Variants in WASF3 observed in about 807,000 individuals in gnomAD.
WASF3 encodes WASP family member 3.
Under a neutral mutation model 46.6 loss-of-function variants are expected in WASF3, and 11 were observed. That is an observed-to-expected ratio of 0.24 (90% confidence interval 0.15 to 0.39). The LOEUF is 0.39. WASF3 is among the 10% of genes least tolerant of loss of function. The pLI, the probability that WASF3 is intolerant of heterozygous loss-of-function variation, is 1.00. For missense variants in WASF3, 576 were observed against 669.8 expected, an observed-to-expected ratio of 0.86 and a Z score of 1.55; for synonymous variants, 242 against 259.7, an observed-to-expected ratio of 0.93 and a Z score of 0.65.
At chr13:26,540,119 T>A in the WASF3 span, among the ~76,000 whole-genome samples, 1 of 152,148 alleles carries the variant, frequency 6.6e-6, no homozygotes, top group East Asian at 1.9e-4. Context: ...CCATGGCTTG[T>A]GGTCCAGGGA....
intron 1 of WASF3, among the ~76,000 whole-genome samples, chr13:26,595,298 C>T (rs1430750733): frequency 2.0e-5 from 3 of 152,164 alleles, no homozygotes; most frequent in Admixed American, 6.5e-5. Context: ...TTTGGCTTAT[C>T]AGAAAATGTC....
chr13:26,596,651 G>A (rs972398703), intron 1 of WASF3, among the ~76,000 whole-genome samples: 2 of 152,038 alleles, frequency 1.3e-5, no homozygotes, highest in Non-Finnish European at 2.9e-5. Context: ...GGTTTAATGA[G>A]CTTCTTCGAT....
intron 3 of WASF3, among the ~76,000 whole-genome samples, chr13:26,647,951 A>G (rs993698743): frequency 6.6e-6 from 1 of 150,716 alleles, no homozygotes; most frequent in Admixed American, 6.6e-5. Context: ...CTCACTGTAC[A>G]GTAAACATCT....
intron 1 of WASF3, among the ~76,000 whole-genome samples, chr13:26,562,400 G>A (rs1471701391): frequency 2.0e-5 from 3 of 152,182 alleles, no homozygotes; most frequent in African/African-American, 7.2e-5. Context: ...GATGGGAGGG[G>A]GAGGCCAGTT....
chr13:26,551,182 A>G, the WASF3 span, among the ~76,000 whole-genome samples: 3 of 152,124 alleles, frequency 2.0e-5, no homozygotes, highest in Non-Finnish European at 4.4e-5. Context: ...GCCTTCTGCC[A>G]TGATTCTAAG....
intron 1 of WASF3, among the ~76,000 whole-genome samples, chr13:26,594,155 TC>T (rs1419917305): frequency 3.9e-5 from 6 of 152,180 alleles, no homozygotes; most frequent in African/African-American, 1.4e-4. Context: ...GGAATTTCAT[TC>T]TTAATACTAT....
At chr13:26,647,083 G>A (rs183341692) in intron 3 of WASF3, among the ~76,000 whole-genome samples, 1 of 152,252 alleles carries the variant, frequency 6.6e-6, no homozygotes. Flanking sequence ...CAGAAATTTT[G>A]TCACCGTTAA....
chr13:26,563,465 G>A (rs989062300), intron 1 of WASF3, among the ~76,000 whole-genome samples: 1 of 151,816 alleles, frequency 6.6e-6, no homozygotes, highest in Non-Finnish European at 1.5e-5. Flanking sequence ...GAACAGCATG[G>A]CCAACATGGC....
intron 9 of WASF3, among the ~76,000 whole-genome samples, chr13:26,684,407 A>C (rs1269902899): frequency 6.6e-6 from 1 of 152,154 alleles, no homozygotes; most frequent in East Asian, 1.9e-4. Flanking sequence ...ATTCTTCAAA[A>C]ACGAGAAGGT....
At chr13:26,576,993 T>G (rs911536384) in intron 1 of WASF3, 3 of 713,120 alleles carry the variant, frequency 4.2e-6, no homozygotes, top group Non-Finnish European at 7.5e-6. Context: ...TGAAAGCACC[T>G]TCTGTGTTCA....
At chr13:26,636,078 T>C (rs1881808586) in intron 2 of WASF3, among the ~76,000 whole-genome samples, 1 of 152,204 alleles carries the variant, frequency 6.6e-6, no homozygotes, top group Admixed American at 6.5e-5. Flanking sequence ...TCTGCAGAAG[T>C]TTCTGCTGCC....
At chr13:26,554,328 A>C (rs180816106), upstream of WASF3, among the ~76,000 whole-genome samples, 15 of 151,824 alleles carry the variant, frequency 9.9e-5, no homozygotes, top group Admixed American at 9.2e-4. Context: ...TGGGAATCTC[A>C]CTATATTGCC....
At chr13:26,651,199 G>A (rs1004402746) in intron 3 of WASF3, among the ~76,000 whole-genome samples, 8 of 152,144 alleles carry the variant, frequency 5.3e-5, no homozygotes, top group African/African-American at 1.9e-4. Context: ...GTGCATGCCT[G>A]TAGTCTCAGC....
At chr13:26,612,520 C>T (rs1881009561) in intron 1 of WASF3, among the ~76,000 whole-genome samples, 1 of 152,164 alleles carries the variant, frequency 6.6e-6, no homozygotes, top group Admixed American at 6.5e-5. Flanking sequence ...ATCTCCAAGA[C>T]TTTTATTGAA....
intron 1 of WASF3, among the ~76,000 whole-genome samples, chr13:26,560,508 A>G (rs1462035117): frequency 6.6e-6 from 1 of 152,164 alleles, no homozygotes; most frequent in Non-Finnish European, 1.5e-5. Flanking sequence ...CTGTATGTTA[A>G]AAAAACCATT....
At chr13:26,618,501 C>CG in intron 2 of WASF3, among the ~76,000 whole-genome samples, 1 of 151,608 alleles carries the variant, frequency 6.6e-6, no homozygotes, top group South Asian at 2.1e-4. Context: ...CCTCCGCCCC[C>CG]CCGTCTCTTT....
intron 4 of WASF3, among the ~76,000 whole-genome samples, chr13:26,666,849 A>G (rs9512321): frequency 0.28 from 39,898 of 142,122 alleles, 5,947 homozygotes; most frequent in South Asian, 0.39. Flanking sequence ...AGCCTGGGTT[A>G]CAGAGCAAGA....
At chr13:26,635,166 C>A (rs1881779995) in intron 2 of WASF3, among the ~76,000 whole-genome samples, 1 of 152,202 alleles carries the variant, frequency 6.6e-6, no homozygotes. Flanking sequence ...TCCCGTATTT[C>A]TTGGAGGCTT....
intron 6 of WASF3, among the ~76,000 whole-genome samples, chr13:26,672,874 G>A (rs1018466103): frequency 2.0e-5 from 3 of 152,164 alleles, no homozygotes; most frequent in African/African-American, 7.2e-5. Context: ...AAGAGAACAT[G>A]AGAACAGTTT....
Sources: allele counts gnomAD v4.1 joint callset (sites outside exome capture counted in the v4.1 genomes callset), GRCh38; gene constraint gnomAD v4.1.1; transcripts MANE v1.5; gene names NCBI Gene and HGNC (gene_info 2026-07-23, HGNC 2026-07-21).